Variants in CNOT4 observed in about 807,000 individuals in gnomAD.
The protein encoded by CNOT4 is CCR4-NOT transcription complex subunit 4.
A neutral mutation model predicts 73.8 loss-of-function variants in CNOT4; 8 were observed. The observed-to-expected ratio is 0.11, with a 90% CI of 0.06 to 0.20. The LOEUF is 0.20. Among genes scored for constraint, CNOT4 ranks in the 10% least tolerant of loss-of-function variants. The probability of loss-of-function intolerance (pLI) is 1.00; values close to 1 mark genes in which losing one functional copy is unlikely to be tolerated. For missense variants in CNOT4, 564 were observed against 883.4 expected (o/e 0.64, Z 4.58); for synonymous variants, 293 against 321.1 (o/e 0.91, Z 0.94).
At chr7:135,418,816 G>C (rs1798014891) in intron 3 of CNOT4, among the ~76,000 whole-genome samples, 1 of 152,126 alleles carries the variant, frequency 6.6e-6, no homozygotes, top group Non-Finnish European at 1.5e-5. Flanking sequence ...CCTTTCCTCA[G>C]AGAAGCTTTT....
At chr7:135,415,626 G>T (rs756910078) in intron 3 of CNOT4, among the ~76,000 whole-genome samples, 14 of 151,992 alleles carry the variant, frequency 9.2e-5, no homozygotes, top group African/African-American at 3.4e-4. Context: ...ATCCTTACAC[G>T]AAAGCAATTC....
intron 1 of CNOT4, among the ~76,000 whole-genome samples, chr7:135,476,323 A>G (rs1234316707): frequency 6.6e-6 from 1 of 152,166 alleles, no homozygotes; most frequent in Non-Finnish European, 1.5e-5. Flanking sequence ...AATACACACA[A>G]TCACACTGCC....
intron 3 of CNOT4, among the ~76,000 whole-genome samples, chr7:135,419,548 T>C (rs938445490): frequency 7.2e-5 from 11 of 152,172 alleles, no homozygotes; most frequent in African/African-American, 1.9e-4. Flanking sequence ...AGCACCCATT[T>C]ATTTTATTTA....
At chr7:135,438,016 A>G (rs1799262914) in intron 2 of CNOT4, 142 bp downstream of exon 2, 3 of 495,434 alleles carry the variant, frequency 6.1e-6, no homozygotes, top group Non-Finnish European at 3.5e-6. Flanking sequence ...TTTCCACCTT[A>G]TATCTTAAAA....
At chr7:135,461,283 A>C (rs1800854787) in intron 1 of CNOT4, among the ~76,000 whole-genome samples, 1 of 152,172 alleles carries the variant, frequency 6.6e-6, no homozygotes, top group Admixed American at 6.6e-5. Flanking sequence ...ATTTTTATGA[A>C]GTCTAGTGTG....
intron 1 of CNOT4, among the ~76,000 whole-genome samples, chr7:135,474,912 G>C (rs2129486940): frequency 6.6e-6 from 1 of 152,056 alleles, no homozygotes; most frequent in East Asian, 1.9e-4. Context: ...AATATCCTCT[G>C]ATCTAGTAAG....
intron 3 of CNOT4, among the ~76,000 whole-genome samples, chr7:135,420,750 G>A (rs548220562): frequency 1.3e-5 from 2 of 151,744 alleles, no homozygotes; most frequent in Admixed American, 1.3e-4. Flanking sequence ...GAGATAAAAG[G>A]ATTAGTGCAA....
chr7:135,414,294 T>TC, intron 5 of CNOT4, 37 bp downstream of exon 5: 1 of 789,080 alleles, frequency 1.3e-6, no homozygotes. Flanking sequence ...CTCGTCTTCC[T>TC]TAAAAAAAAA....
At chr7:135,423,747 T>A (rs536655751) in intron 2 of CNOT4, among the ~76,000 whole-genome samples, 2 of 152,266 alleles carry the variant, frequency 1.3e-5, no homozygotes, top group East Asian at 3.9e-4. Flanking sequence ...TTTGGTAGGA[T>A]GTAAACACCC....
Position 135,394,038 on chromosome 7 carries a change from A to G in CNOT4, c.1507T>C (p.Phe503Leu). 6.2e-7 allele frequency: 1 copy of G among 1,614,208 alleles called. No homozygotes were observed. Among genetic ancestry groups the G allele is most frequent in the Non-Finnish European group, 8.5e-7 (1 of 1,180,028 alleles). The change falls in exon 10 of 12, where the codon TTT (phenylalanine) becomes CTT (leucine). Residue 503 changes from phenylalanine (F) to leucine (L), a missense_variant. By Grantham distance (22) the Phe-to-Leu change is conservative (BLOSUM62 0). Around this residue, in one of 10 missense-constraint regions of CNOT4, gnomAD observed 153 missense variants for 158.7 expected, o/e 0.96. Coordinates refer to ENST00000541284, the MANE Select transcript of CNOT4 (RefSeq NM_001190850.2). ...AAGTGCATGATGCTATTGCGTGGAA[A>G]GGCCATCCAAGGATAGCGGGCTGCC... ...GQAARYPWMA[F>L]PRNSIMHLNH...
At chr7:135,387,964 C>A (rs1796204735) in intron 10 of CNOT4, 12 of 975,328 alleles carry the variant, frequency 1.2e-5, no homozygotes, top group Non-Finnish European at 1.3e-5. Flanking sequence ...AAAACAATAT[C>A]CCACAGAATT....
chr7:135,376,225 T>C (rs1795511399), intron 10 of CNOT4, among the ~76,000 whole-genome samples: 2 of 152,206 alleles, frequency 1.3e-5, no homozygotes, highest in South Asian at 2.1e-4. Context: ...GGCCTCCGAA[T>C]TGACACCACT....
chr7:135,426,088 C>T (rs930354665), intron 2 of CNOT4, among the ~76,000 whole-genome samples: 1 of 151,990 alleles, frequency 6.6e-6, no homozygotes, highest in Non-Finnish European at 1.5e-5. Context: ...GTGGTGTGCA[C>T]CTACAGTCAC....
In CNOT4 at chr7:135,427,752, C is replaced by T. The variant is rs368044070; in HGVS notation, c.175-5399G>A. On this transcript the variant is annotated intron_variant, in intron 2 of 11. Transcript: ENST00000541284. ...CTTTTACTAAAAACCATGAAAAATACAACATAAAAATTTTTTTTTTCTTCT... is the reference window on the plus strand; with the variant it reads ...CTTTTACTAAAAACCATGAAAAATATAACATAAAAATTTTTTTTTTCTTCT... Among the ~76,000 whole-genome samples the T allele has an allele frequency of 1.6e-4, 25 of 151,858 alleles. 1 individual carries two copies. The highest frequency in any genetic ancestry group is 6.1e-4 in the African/African-American group (25 of 41,294).
At chr7:135,467,751 A>C (rs1177851842) in intron 1 of CNOT4, among the ~76,000 whole-genome samples, 1 of 152,040 alleles carries the variant, frequency 6.6e-6, no homozygotes, top group Non-Finnish European at 1.5e-5. Flanking sequence ...AAACTTCTGG[A>C]AAATATGAAT....
intron 7 of CNOT4, among the ~76,000 whole-genome samples, chr7:135,407,140 TCG>T (rs1797336693): frequency 6.6e-6 from 1 of 152,174 alleles, no homozygotes; most frequent in Non-Finnish European, 1.5e-5. Context: ...CCTCTTGCTA[TCG>T]CTGTATATGA....
intron 10 of CNOT4, among the ~76,000 whole-genome samples, chr7:135,371,898 G>T (rs568070974): frequency 3.9e-5 from 6 of 152,134 alleles, no homozygotes; most frequent in Non-Finnish European, 7.3e-5. Context: ...TCATATAAAA[G>T]ATCTTTACAA....
chr7:135,474,953 A>T (rs1374291310), intron 1 of CNOT4, among the ~76,000 whole-genome samples: 3 of 152,124 alleles, frequency 2.0e-5, no homozygotes, highest in Admixed American at 2.0e-4. Flanking sequence ...TTAAGCAAAA[A>T]ATTTAAAGAA....
chr7:135,451,908 A>T (rs1800193447), intron 1 of CNOT4, among the ~76,000 whole-genome samples: 1 of 152,218 alleles, frequency 6.6e-6, no homozygotes, highest in Non-Finnish European at 1.5e-5. Flanking sequence ...TGCAAGTATT[A>T]TATGCTCCCA....
Sources: allele counts gnomAD v4.1 joint callset (sites outside exome capture counted in the v4.1 genomes callset), GRCh38; gene constraint gnomAD v4.1.1; regional missense constraint gnomAD v4.1.1; transcripts MANE v1.5; gene names NCBI Gene and HGNC (gene_info 2026-07-23, HGNC 2026-07-21).